Variants in LUC7L3 observed in about 807,000 individuals in gnomAD.
LUC7L3 encodes the protein luc7-like protein 3.
In LUC7L3, 6 loss-of-function variants were observed where a neutral mutation model predicts 66.8. That is an observed-to-expected ratio of 0.09 (90% CI 0.05 to 0.18). The LOEUF (loss-of-function observed/expected upper bound fraction) is 0.18. LUC7L3 is among the 10% of genes least tolerant of loss of function. The pLI, the probability that LUC7L3 is intolerant of heterozygous loss-of-function variation, is 1.00. For synonymous variants in LUC7L3, 160 were observed against 174.7 expected, an observed-to-expected ratio of 0.92 and a Z score of 0.66; for missense variants, 341 against 531.1, an observed-to-expected ratio of 0.64 and a Z score of 3.52.
intron 1 of LUC7L3, among the ~76,000 whole-genome samples, chr17:50,733,956 A>G (rs1478895640): frequency 6.6e-6 from 1 of 152,190 alleles, no homozygotes; most frequent in African/African-American, 2.4e-5. Context: ...AAAATCGAGT[A>G]TTGGCATTGG....
chr17:50,743,880 G>T (rs1330974691), intron 6 of LUC7L3, 70 bp downstream of exon 6: 1 of 1,160,828 alleles, frequency 8.6e-7, no homozygotes, highest in East Asian at 2.4e-5. Context: ...TTTTATTTGA[G>T]AACCTTTGAA....
intron 5 of LUC7L3, among the ~76,000 whole-genome samples, 188 bp downstream of exon 5, chr17:50,741,919 TACAAAA>T (rs1162832779): frequency 3.9e-5 from 6 of 152,100 alleles, no homozygotes. Flanking sequence ...ACCCAGTCTT[TACAAAA>T]ATTAGCCAGG....
intron 1 of LUC7L3, chr17:50,724,211 A>C: frequency 5.0e-6 from 1 of 201,888 alleles, no homozygotes; most frequent in Non-Finnish European, 1.0e-5. Context: ...ATATCTGTAA[A>C]ATACAAGGAC....
chr17:50,730,513 C>CAAAAAAAAAAAAAAAAG (rs1969520787), intron 1 of LUC7L3, among the ~76,000 whole-genome samples: 1 of 59,066 alleles, frequency 1.7e-5, no homozygotes, highest in Non-Finnish European at 2.9e-5. Flanking sequence ...ACTCTGTCTC[C>CAAAAAAAAAAAAAAAAG]AAAAAAAAAA....
At chr17:50,738,613 G>T (rs1361350600) in intron 2 of LUC7L3, among the ~76,000 whole-genome samples, 1 of 152,050 alleles carries the variant, frequency 6.6e-6, no homozygotes, top group African/African-American at 2.4e-5. Flanking sequence ...TAAAACTGAA[G>T]AAATAGAACT....
rs1397170328 is a variant in LUC7L3 at position 50,754,193 on chromosome 17, A to G, written c.*3532A>G. 2 of 152,178 alleles carry G rather than the reference A, an allele frequency of 1.3e-5. No individual in the cohort carries two copies. The highest frequency in any genetic ancestry group is 4.8e-5 in the African/African-American group (2 of 41,458). The allele number at this position is 152,178 out of a possible 1,614,324, so 9.4% of individuals were successfully genotyped here. A position where few individuals can be genotyped will look rare whatever the true frequency, so the allele number is the denominator to read the frequency against. ...AAGGGGAGCAAACCAGTTTTAATCA[A>G]TCAGATTGCTTGGTAAGTTTGGAAT... On this transcript the variant is annotated 3_prime_UTR_variant, in exon 10 of 10. Transcript: ENST00000505658.
rs754912709 is a variant in LUC7L3, at chr17:50,745,960, C to T, written c.934C>T (p.Arg312Trp). The change falls in exon 8 of 10, where the codon CGG (arginine) becomes TGG (tryptophan). Residue 312 changes from arginine (R) to tryptophan (W), a missense_variant. Physicochemically the swap from Arg to Trp is moderately radical, Grantham distance 101. Around this residue, in one of 6 missense-constraint regions of LUC7L3, gnomAD observed 210 missense variants for 238.1 expected, o/e 0.88. Coordinates refer to ENST00000505658, the MANE Select transcript of LUC7L3 (RefSeq NM_016424.5). The part of the protein sequence containing the change: ...RTSDRRCSRS[R>W]DHKRSRSRER... ...ATCAGACAGAAGATGCAGCAGGTCT[C>T]GGGACCACAAAAGGTCACGAAGTAG... The T allele has an allele frequency of 4.4e-6, 7 of 1,609,030 alleles. No homozygotes were observed. Among genetic ancestry groups the T allele is most frequent in the East Asian group, 2.2e-5 (1 of 44,856 alleles).
intron 1 of LUC7L3, among the ~76,000 whole-genome samples, chr17:50,734,307 A>G (rs1969838401): frequency 6.6e-6 from 1 of 152,040 alleles, no homozygotes; most frequent in Non-Finnish European, 1.5e-5. Context: ...AGTTGGGATT[A>G]TAGGCATGCG....
intron 1 of LUC7L3, among the ~76,000 whole-genome samples, chr17:50,726,496 A>G (rs1010693307): frequency 5.9e-5 from 9 of 152,118 alleles, no homozygotes; most frequent in Admixed American, 3.3e-4. Flanking sequence ...TGACCTTTGA[A>G]TAACGCCCTG....
At chr17:50,723,566 T>C (rs1422969739) in intron 1 of LUC7L3, 3 of 154,236 alleles carry the variant, frequency 1.9e-5, no homozygotes, top group African/African-American at 7.2e-5. Context: ...TTTACTAGTT[T>C]TCATTCAGAG....
At position 50,755,668 on chromosome 17, in the gene LUC7L3, A is replaced by G. The variant is rs1474460973; in HGVS notation, c.*5007A>G. Reference sequence around the variant, plus strand: ...TTTGGGAAACGGGAAACAATTTGGTATAAGTGGGTGTGCCATAACCTCTCT... The same window carrying G: ...TTTGGGAAACGGGAAACAATTTGGTGTAAGTGGGTGTGCCATAACCTCTCT... On this transcript the variant is annotated 3_prime_UTR_variant, in exon 10 of 10. Coordinates refer to ENST00000505658, the MANE Select transcript of LUC7L3 (RefSeq NM_016424.5). 6.6e-6 allele frequency: 1 copy of G among 152,214 alleles called. No individual in the cohort carries two copies. Among genetic ancestry groups the G allele is most frequent in the Non-Finnish European group, 1.5e-5 (1 of 68,024 alleles). The allele number at this position is 152,214 out of a possible 1,614,324, so 9.4% of individuals were successfully genotyped here.
At chr17:50,741,374 G>T in intron 4 of LUC7L3, 128 bp downstream of exon 4, 1 of 958,860 alleles carries the variant, frequency 1.0e-6, no homozygotes, top group South Asian at 1.9e-5. Context: ...AAACTTATAG[G>T]GCATTCATTT....
intron 1 of LUC7L3, chr17:50,722,302 A>G (rs1382235731): frequency 6.9e-6 from 1 of 144,478 alleles, no homozygotes; most frequent in Non-Finnish European, 1.5e-5. Context: ...GGTTCAAGCG[A>G]TTCTCCTGCT....
At position 50,751,214 on chromosome 17, in the gene LUC7L3, T is replaced by G; in HGVS notation, c.*553T>G. 7.0e-7 allele frequency: 1 copy of G among 1,437,614 alleles called. No homozygotes were observed. The highest frequency in any genetic ancestry group is 1.2e-5 in the South Asian group (1 of 82,144). The allele number at this position is 1,437,614 out of a possible 1,614,324, so 89.1% of individuals were successfully genotyped here. A position where few individuals can be genotyped will look rare whatever the true frequency, so the allele number is the denominator to read the frequency against. ...CCTTGCATTCTAATGCAGTTTGTTC[T>G]GTAACTCGAGAGCCAGTAGCATTGG... On this transcript the variant is annotated 3_prime_UTR_variant, in exon 10 of 10. Transcript: ENST00000505658.
chr17:50,743,458 G>A (rs918075971), intron 5 of LUC7L3, among the ~76,000 whole-genome samples: 2 of 151,888 alleles, frequency 1.3e-5, no homozygotes, highest in Admixed American at 6.6e-5. Flanking sequence ...TGCCCACCTT[G>A]GCCTCCCAAA....
intron 9 of LUC7L3, chr17:50,749,439 G>A (rs1000189913): frequency 9.2e-6 from 10 of 1,090,466 alleles, no homozygotes; most frequent in African/African-American, 8.2e-5. Context: ...ATTGCTTTGT[G>A]TATTATGCAA....
chr17:50,720,601 T>G (rs1046140417), intron 1 of LUC7L3, among the ~76,000 whole-genome samples: 1 of 152,236 alleles, frequency 6.6e-6, no homozygotes, highest in Non-Finnish European at 1.5e-5. Flanking sequence ...TTTCAAGTGT[T>G]TTGATCTAGT....
At chr17:50,741,027 T>C in intron 3 of LUC7L3, 75 bp from the exon 4 acceptor site, 1 of 1,407,312 alleles carries the variant, frequency 7.1e-7, no homozygotes, top group South Asian at 1.2e-5. Context: ...TCGTTGAGGC[T>C]AGTTAAGATA....
chr17:50,722,364 A>T (rs1968841313), intron 1 of LUC7L3: 2 of 151,558 alleles, frequency 1.3e-5, no homozygotes, highest in South Asian at 4.2e-4. Context: ...CGCCCAGCTA[A>T]TTTTTATATT....
Sources: allele counts gnomAD v4.1 joint callset (sites outside exome capture counted in the v4.1 genomes callset), GRCh38; gene constraint gnomAD v4.1.1; regional missense constraint gnomAD v4.1.1; transcripts MANE v1.5; gene names NCBI Gene and HGNC (gene_info 2026-07-23, HGNC 2026-07-21).